Variants in MEF2A observed in about 807,000 individuals in gnomAD.
MEF2A encodes myocyte-specific enhancer factor 2A.
In MEF2A, 28 loss-of-function variants were observed where a neutral mutation model predicts 55.8. The ratio of observed to expected loss-of-function variants is 0.50; its 90% CI spans 0.37 to 0.69. The LOEUF is 0.69. MEF2A is among the 30% of genes least tolerant of loss of function. The pLI is 0.00. For missense variants in MEF2A, 528 were observed against 626.2 expected (o/e 0.84, Z 1.67); for synonymous variants, 239 against 227.1 (o/e 1.05, Z -0.47).
At chr15:99,684,765 T>A (rs1214202989) in intron 7 of MEF2A, among the ~76,000 whole-genome samples, 1 of 152,226 alleles carries the variant, frequency 6.6e-6, no homozygotes, top group Non-Finnish European at 1.5e-5. Flanking sequence ...TCATGAACCC[T>A]TTGTCTAAGC....
In MEF2A at chr15:99,709,456, G is replaced by A. The variant is rs150717607; in HGVS notation, c.1010-1178G>A. 4.5e-3 allele frequency among the ~76,000 whole-genome samples: 681 copies of A among 152,338 alleles called. 5 individuals are homozygous for A. Among genetic ancestry groups the A allele is most frequent in the African/African-American group, 0.015 (643 of 41,580 alleles). On this transcript the variant is annotated intron_variant, in intron 10 of 11. Transcript: ENST00000557942. ...GTCGAAGGAGACTGTGGGCCGGAGG[G>A]AGCACTGGGGAAGGCGTCAGTGTGA...
intron 6 of MEF2A, 127 bp downstream of exon 6, chr15:99,674,739 A>G (rs2051586882): frequency 1.3e-6 from 1 of 775,376 alleles, no homozygotes; most frequent in African/African-American, 1.7e-5. Context: ...CTGATACATA[A>G]TTGGCCTCAT....
rs1216963606 is a variant in MEF2A, at chr15:99,710,629, T to G, written c.1010-5T>G. The G allele has an allele frequency of 6.2e-7, 1 of 1,607,404 alleles. No individual in the cohort carries two copies. The highest frequency in any genetic ancestry group is 1.1e-5 in the South Asian group (1 of 90,950). On this transcript the variant is annotated splice_region_variant and splice_polypyrimidine_tract_variant and intron_variant, in intron 10 of 11. Coordinates refer to ENST00000557942, the MANE Select transcript of MEF2A (RefSeq NM_001319206.4). ...TATGCAGAGCCCTCTTGTCTTCCTT[T>G]GTAGATTATTCACTGACCAGCGCTG...
chr15:99,572,010 G>T (rs970107507), intron 1 of MEF2A, among the ~76,000 whole-genome samples: 6 of 122,140 alleles, frequency 4.9e-5, no homozygotes, highest in African/African-American at 1.6e-4. Flanking sequence ...TTGCTCCATA[G>T]AAGTTTTTTT....
chr15:99,610,405 TCCCCCGCCCCCCCCCC>T (rs1976748959), intron 2 of MEF2A, among the ~76,000 whole-genome samples: 1 of 22,990 alleles, frequency 4.3e-5, no homozygotes, highest in African/African-American at 3.5e-4. Flanking sequence ...CCAGCTGGTC[TCCCCCGCCCCCCCCCC>T]CCCCCACCCC....
Position 99,674,601 on chromosome 15 carries a change from C to G in MEF2A, c.599C>G (p.Thr200Ser). 1 of 1,613,308 alleles carries G rather than the reference C, an allele frequency of 6.2e-7. No homozygotes were observed. The highest frequency in any genetic ancestry group is 2.2e-5 in the East Asian group (1 of 44,884). Residue 200 changes from threonine to serine, a missense_variant, in exon 6 of 12, where the codon ACT (threonine) becomes AGT (serine). Transcript: ENST00000557942. The part of the protein sequence containing the change: ...SPGAPQRPPS[T>S]GNAGGMLSTT... ...GGAGCTCCTCAGAGACCACCAAGTA[C>G]TGGCAATGCAGGTATGTAGTGATAC... is the stretch of plus-strand genomic sequence containing the variant.
intron 7 of MEF2A, 116 bp from the exon 8 acceptor site, chr15:99,690,125 T>G: frequency 1.1e-6 from 1 of 937,030 alleles, no homozygotes; most frequent in East Asian, 2.6e-5. Context: ...CTCAAACCTG[T>G]AGTGAGTTTT....
intron 7 of MEF2A, among the ~76,000 whole-genome samples, chr15:99,685,272 G>A (rs529221489): frequency 6.6e-6 from 1 of 152,232 alleles, no homozygotes; most frequent in Non-Finnish European, 1.5e-5. Context: ...TGAATTTGTA[G>A]ATTGCTTTTG....
chr15:99,675,531 A>C, intron 7 of MEF2A, 73 bp downstream of exon 7: 3 of 1,335,148 alleles, frequency 2.2e-6, no homozygotes, highest in Non-Finnish European at 3.2e-6. Flanking sequence ...TGTTCCTGAA[A>C]TAAAGCTTTC....
intron 2 of MEF2A, among the ~76,000 whole-genome samples, chr15:99,613,362 A>G (rs1036079107): frequency 2.6e-5 from 4 of 152,170 alleles, no homozygotes; most frequent in Non-Finnish European, 4.4e-5. Context: ...TTATTGAACT[A>G]TCTAGTTATT....
intron 2 of MEF2A, among the ~76,000 whole-genome samples, chr15:99,616,034 G>T (rs945486227): frequency 2.0e-5 from 3 of 151,878 alleles, no homozygotes; most frequent in Non-Finnish European, 4.4e-5. Flanking sequence ...AGAAAATTTC[G>T]CTGGGGAACA....
intron 4 of MEF2A, among the ~76,000 whole-genome samples, chr15:99,659,928 A>T (rs542780413): frequency 6.6e-6 from 1 of 152,384 alleles, no homozygotes; most frequent in South Asian, 2.1e-4. Flanking sequence ...CAAGTTTTCC[A>T]CAAAACTACA....
intron 2 of MEF2A, among the ~76,000 whole-genome samples, chr15:99,602,144 A>C (rs1224724817): frequency 2.0e-5 from 3 of 152,168 alleles, no homozygotes; most frequent in African/African-American, 7.2e-5. Flanking sequence ...GTTTATTAAA[A>C]AGCTTTAGAG....
chr15:99,682,606 G>A (rs981834557), intron 7 of MEF2A, among the ~76,000 whole-genome samples: 1 of 152,148 alleles, frequency 6.6e-6, no homozygotes, highest in Non-Finnish European at 1.5e-5. Context: ...GATTCTCTTA[G>A]CTTCAGCCTG....
intron 2 of MEF2A, among the ~76,000 whole-genome samples, chr15:99,630,384 A>T (rs549454486): frequency 6.6e-6 from 1 of 152,128 alleles, no homozygotes; most frequent in Admixed American, 6.5e-5. Context: ...AAAACCATCC[A>T]TCACTTCTTT....
At chr15:99,648,105 C>T (rs1323596357) in intron 4 of MEF2A, among the ~76,000 whole-genome samples, 1 of 152,180 alleles carries the variant, frequency 6.6e-6, no homozygotes, top group East Asian at 1.9e-4. Flanking sequence ...AATGAAGTTA[C>T]TTACATAGAG....
At chr15:99,609,448 A>G (rs975637369) in intron 2 of MEF2A, among the ~76,000 whole-genome samples, 2 of 152,218 alleles carry the variant, frequency 1.3e-5, no homozygotes, top group Admixed American at 6.5e-5. Flanking sequence ...CCATAAGTCT[A>G]TGAGATTTAT....
chr15:99,702,682 TTTC>T (rs1408869163), intron 8 of MEF2A, among the ~76,000 whole-genome samples: 1 of 152,164 alleles, frequency 6.6e-6, no homozygotes, highest in African/African-American at 2.4e-5. Context: ...CCCAGCCTTA[TTTC>T]TTTTCTTTAC....
At position 99,645,781 on chromosome 15, in the gene MEF2A, A is replaced by G. The variant is rs894332106; in HGVS notation, c.258+17A>G. On this transcript the variant is annotated intron_variant, in intron 4 of 11. Coordinates refer to ENST00000557942, the MANE Select transcript of MEF2A (RefSeq NM_001319206.4). ...ATTGTTGAGGTAACACATATCTAGT[A>G]ATACGTGAATTGCAAGTAATACTGA... 1 of 1,524,736 alleles carries G rather than the reference A, an allele frequency of 6.6e-7. No individual in the cohort carries two copies. Among genetic ancestry groups the G allele is most frequent in the African/African-American group, 1.4e-5 (1 of 72,820 alleles). 94.5% of individuals were successfully genotyped at this position (1,524,736 alleles called of 1,614,324 possible).
Sources: gnomAD v4.1 joint callset for allele counts (sites outside exome capture counted in the v4.1 genomes callset) on GRCh38, gnomAD v4.1.1 for gene constraint, MANE v1.5 for transcripts, NCBI Gene and HGNC (gene_info 2026-07-23, HGNC 2026-07-21) for gene names.